The following PLCH1 variants were observed in gnomAD, a reference collection of about 807,000 sequenced individuals.
PLCH1 encodes the protein 1-phosphatidylinositol 4,5-bisphosphate phosphodiesterase eta-1.
PLCH1 carries 60 observed loss-of-function variants against 126.7 expected under a neutral mutation model. That is an observed-to-expected ratio of 0.47 (90% CI 0.38 to 0.59). PLCH1 has a LOEUF of 0.59. Ranked by LOEUF, PLCH1 falls within the 20% of genes least tolerant of loss-of-function variation. PLCH1 has a pLI of 0.00. For missense variants in PLCH1, 1,723 were observed against 2,040.0 expected, an observed-to-expected ratio of 0.84 and a Z score of 2.99; for synonymous variants, 719 against 734.9, an observed-to-expected ratio of 0.98 and a Z score of 0.35.
intron 2 of PLCH1, among the ~76,000 whole-genome samples, chr3:155,651,365 GTTGT>G (rs1484920660): frequency 1.3e-5 from 2 of 152,088 alleles, no homozygotes; most frequent in African/African-American, 2.4e-5. Flanking sequence ...AAACTATGCA[GTTGT>G]TTAAGAGTAA....
chr3:155,712,033 A>C (rs1747158633), intron 1 of PLCH1, among the ~76,000 whole-genome samples: 1 of 152,196 alleles, frequency 6.6e-6, no homozygotes, highest in African/African-American at 2.4e-5. Context: ...AAGCCAGTAC[A>C]TTCTCTTTTT....
In PLCH1 at chr3:155,536,438, G is replaced by A. The variant is rs544673823; in HGVS notation, c.1363-12434C>T. Among the ~76,000 whole-genome samples the A allele has an allele frequency of 2.6e-5, 4 of 152,160 alleles. No individual in the cohort carries two copies. The East Asian group carries it at 5.8e-4, about 22-fold the overall frequency. ...GAAATTCAAAAGTAATGCAGACTAT[G>A]GATGAAAAAATATCCAGAGAAATAG... On this transcript the variant is annotated intron_variant, in intron 10 of 22. Coordinates refer to ENST00000460012, the MANE Select transcript of PLCH1 (RefSeq NM_014996.4).
In PLCH1 at chr3:155,458,558, A is replaced by AAAAG. The variant is rs67516588; in HGVS notation, c.2938+26794_2938+26797dup. 5.0e-3 allele frequency among the ~76,000 whole-genome samples: 639 copies of AAAAG among 128,376 alleles called. 33 individuals are homozygous for AAAAG. The highest frequency in any genetic ancestry group is 0.017 in the South Asian group (68 of 4,054). 84.2% of individuals were successfully genotyped at this position (128,376 alleles called of 152,430 possible). A position where few individuals can be genotyped will look rare whatever the true frequency, so the allele number is the denominator to read the frequency against. Reference sequence around the variant, plus strand: ...AGAAAAAGAAAAAGAAAGAAAGAGAAAAAGAAAGAAAGAAAGAAAGAAAGG... The same window carrying AAAAG: ...AGAAAAAGAAAAAGAAAGAAAGAGAAAAAGAAAGAAAGAAAGAAAGAAAGAAAGG... On this transcript the variant is annotated intron_variant, in intron 21 of 21. Transcript: ENST00000494598.
At chr3:155,644,069 T>A (rs1336458177) in intron 2 of PLCH1, among the ~76,000 whole-genome samples, 1 of 152,008 alleles carries the variant, frequency 6.6e-6, no homozygotes, top group Non-Finnish European at 1.5e-5. Context: ...AAACAGTCAC[T>A]GGAATGAAGA....
chr3:155,591,062 G>A (rs915068321), intron 4 of PLCH1, among the ~76,000 whole-genome samples: 11 of 152,266 alleles, frequency 7.2e-5, no homozygotes, highest in Admixed American at 2.6e-4. Flanking sequence ...AATCAGGTTC[G>A]AAAACTTTTA....
At position 155,714,474 on chromosome 3, in the gene PLCH1, A is replaced by G. The variant is rs149176720; in HGVS notation, c.-40-10210T>C. Reference sequence around the variant, plus strand: ...CTAAGCACCACCAAACTGGTTGTTAAAGGCCTCTGCAAACAGCCTAATTCC... The same window carrying G: ...CTAAGCACCACCAAACTGGTTGTTAGAGGCCTCTGCAAACAGCCTAATTCC... On this transcript the variant is annotated intron_variant, in intron 1 of 22. Coordinates refer to ENST00000460012, the MANE Select transcript of PLCH1 (RefSeq NM_014996.4). Among the ~76,000 whole-genome samples the G allele has an allele frequency of 3.2e-3, 482 of 152,328 alleles. 3 individuals carry two copies. The highest frequency in any genetic ancestry group is 0.011 in the African/African-American group (468 of 41,570).
At chr3:155,627,763 T>A (rs1206981487) in intron 2 of PLCH1, among the ~76,000 whole-genome samples, 1 of 133,384 alleles carries the variant, frequency 7.5e-6, no homozygotes, top group African/African-American at 3.3e-5. Context: ...AAAAAAGTTA[T>A]CGGAGATTTT....
intron 4 of PLCH1, among the ~76,000 whole-genome samples, chr3:155,586,775 T>C (rs1008788529): frequency 2.6e-5 from 4 of 152,218 alleles, no homozygotes; most frequent in African/African-American, 9.6e-5. Context: ...TTGAGCATCT[T>C]TAATTCAGAC....
At position 155,720,489 on chromosome 3, in the gene PLCH1, CAT is replaced by C. The variant is rs550157260; in HGVS notation, c.-40-16227_-40-16226del. Among the ~76,000 whole-genome samples the C allele has an allele frequency of 1.9e-3, 285 of 152,186 alleles. 1 individual carries two copies. The highest frequency in any genetic ancestry group is 6.5e-3 in the African/African-American group (270 of 41,548). ...TCATTAGTGACAGTGAGCATTTTTT[CAT>C]ATGTTTGTTGCCCATTTGTATATCT... On this transcript the variant is annotated intron_variant, in intron 1 of 22. Coordinates refer to ENST00000460012, the MANE Select transcript of PLCH1 (RefSeq NM_014996.4).
rs574163048 is a variant in PLCH1, at chr3:155,494,831, G to C, written c.1895-314C>G. 5.2e-4 allele frequency among the ~76,000 whole-genome samples: 79 copies of C among 152,160 alleles called. No individual in the cohort carries two copies. In the South Asian group the frequency reaches 6.8e-3, roughly 13 times the overall value. On this transcript the variant is annotated intron_variant, in intron 15 of 22. Coordinates refer to ENST00000460012, the MANE Select transcript of PLCH1 (RefSeq NM_014996.4). Reference sequence around the variant, plus strand: ...TATGCCTATCTGGCTAGCATGAAAAGAACAGGTAGAAAAAATAACTTAAAC... The same window carrying C: ...TATGCCTATCTGGCTAGCATGAAAACAACAGGTAGAAAAAATAACTTAAAC...
At chr3:155,608,012 T>G (rs1408954216) in intron 2 of PLCH1, among the ~76,000 whole-genome samples, 1 of 152,144 alleles carries the variant, frequency 6.6e-6, no homozygotes, top group East Asian at 1.9e-4. Context: ...AACCTTCCTT[T>G]GAACTTGAAA....
At chr3:155,602,622 C>T (rs1488206623) in intron 2 of PLCH1, among the ~76,000 whole-genome samples, 1 of 152,126 alleles carries the variant, frequency 6.6e-6, no homozygotes, top group Non-Finnish European at 1.5e-5. Flanking sequence ...AGGCTACAAA[C>T]CTGTACAACA....
chr3:155,523,621 A>T (rs1721496075), intron 11 of PLCH1, among the ~76,000 whole-genome samples: 1 of 152,166 alleles, frequency 6.6e-6, no homozygotes, highest in Admixed American at 6.5e-5. Flanking sequence ...CTACAATTTG[A>T]TTTTTGAATT....
At chr3:155,629,647 G>T (rs1202799794) in intron 2 of PLCH1, among the ~76,000 whole-genome samples, 1 of 151,966 alleles carries the variant, frequency 6.6e-6, no homozygotes, top group African/African-American at 2.4e-5. Flanking sequence ...CATCAATCTG[G>T]TGACCCCCTT....
intron 2 of PLCH1, among the ~76,000 whole-genome samples, chr3:155,701,481 G>C (rs1286707745): frequency 1.3e-5 from 2 of 152,150 alleles, no homozygotes; most frequent in Non-Finnish European, 2.9e-5. Flanking sequence ...ATCCAAGTCT[G>C]CTTATTCCAA....
chr3:155,608,045 C>T (rs1734575642), intron 2 of PLCH1, among the ~76,000 whole-genome samples: 1 of 152,018 alleles, frequency 6.6e-6, no homozygotes, highest in Non-Finnish European at 1.5e-5. Flanking sequence ...CCCTGGGGAA[C>T]CTGAAAATCC....
Position 155,495,749 on chromosome 3 carries a change from C to A in PLCH1, c.1895-1232G>T, listed in dbSNP as rs939934178. ...AATGATACTCCCGAGTTAGAAGAGT[C>A]AGGAATACAAACTGTGGCAAAGAAA... is the stretch of plus-strand genomic sequence containing the variant. On this transcript the variant is annotated intron_variant, in intron 15 of 22. Transcript: ENST00000460012. Among the ~76,000 whole-genome samples, 5 of 152,104 alleles carry A rather than the reference C, an allele frequency of 3.3e-5. No homozygotes were observed. In the East Asian group the frequency reaches 9.6e-4, roughly 29 times the overall value.
intron 1 of PLCH1, among the ~76,000 whole-genome samples, chr3:155,730,782 G>T (rs1748712284): frequency 6.6e-6 from 1 of 152,172 alleles, no homozygotes; most frequent in Admixed American, 6.5e-5. Flanking sequence ...CATTGAAAAG[G>T]GTAGGAAGGA....
chr3:155,495,663 C>T (rs1163257318), intron 15 of PLCH1, among the ~76,000 whole-genome samples: 1 of 152,124 alleles, frequency 6.6e-6, no homozygotes, highest in East Asian at 1.9e-4. Flanking sequence ...ACACAGTTTC[C>T]CAGGGCCCCT....
Sources: allele counts gnomAD v4.1 joint callset (sites outside exome capture counted in the v4.1 genomes callset), GRCh38; gene constraint gnomAD v4.1.1; transcripts MANE v1.5; gene names NCBI Gene and HGNC (gene_info 2026-07-23, HGNC 2026-07-21).